The following TMCC1 variants were observed in gnomAD, a reference collection of about 807,000 sequenced individuals.
TMCC1 encodes the protein transmembrane and coiled-coil domain family 1.
In TMCC1, 15 loss-of-function variants were observed where a neutral mutation model predicts 52.4. The ratio of observed to expected loss-of-function variants is 0.29; its 90% CI spans 0.19 to 0.44. The LOEUF (loss-of-function observed/expected upper bound fraction) is 0.44. Ranked by LOEUF, TMCC1 falls within the 20% of genes least tolerant of loss-of-function variation. The pLI is 1.00. For missense variants in TMCC1, 503 were observed against 806.0 expected, an observed-to-expected ratio of 0.62 and a Z score of 4.55; for synonymous variants, 279 against 301.9, an observed-to-expected ratio of 0.92 and a Z score of 0.79.
rs34448794 is a variant in TMCC1, at chr3:129,839,315, T to C, written c.-183-6489A>G. On this transcript the variant is annotated intron_variant, in intron 2 of 6. Transcript: ENST00000393238. Reference sequence around the variant, plus strand: ...ACACTATAACCATACTTTAACTAAATGCGAAGTGGCAAAACACCTGAAAAA... The same window carrying C: ...ACACTATAACCATACTTTAACTAAACGCGAAGTGGCAAAACACCTGAAAAA... Among the ~76,000 whole-genome samples, 29 of 152,168 alleles carry C rather than the reference T, an allele frequency of 1.9e-4. 2 individuals carry two copies. Among genetic ancestry groups the C allele is most frequent in the Admixed American group, 7.9e-4 (12 of 15,278 alleles).
intron 4 of TMCC1, among the ~76,000 whole-genome samples, chr3:129,746,414 C>T (rs772119616): frequency 4.7e-5 from 7 of 147,864 alleles, no homozygotes; most frequent in African/African-American, 1.0e-4. Flanking sequence ...CTCTTGACCT[C>T]GTGATCCGCC....
chr3:129,730,675 T>C (rs1254840168), intron 4 of TMCC1, among the ~76,000 whole-genome samples: 2 of 152,228 alleles, frequency 1.3e-5, no homozygotes, highest in East Asian at 1.9e-4. Context: ...AATAAGCTTG[T>C]CTATCTCTAC....
intron 2 of TMCC1, among the ~76,000 whole-genome samples, chr3:129,876,986 T>A (rs973629497): frequency 6.6e-6 from 1 of 152,004 alleles, no homozygotes; most frequent in Admixed American, 6.6e-5. Context: ...ACCCTGAAGA[T>A]CTCCTCAAAG....
At chr3:129,695,951 G>A (rs1314308538) in intron 4 of TMCC1, among the ~76,000 whole-genome samples, 5 of 152,038 alleles carry the variant, frequency 3.3e-5, no homozygotes, top group East Asian at 1.9e-4. Context: ...CTGGCATAAC[G>A]TTATGTGACA....
At chr3:129,819,341 C>G (rs1411326979) in intron 4 of TMCC1, among the ~76,000 whole-genome samples, 1 of 152,042 alleles carries the variant, frequency 6.6e-6, no homozygotes, top group Non-Finnish European at 1.5e-5. Flanking sequence ...CCTCGGCCTC[C>G]CAAAGTGCTG....
chr3:129,792,228 G>A (rs759986123), intron 4 of TMCC1, among the ~76,000 whole-genome samples: 3 of 150,020 alleles, frequency 2.0e-5, no homozygotes, highest in Non-Finnish European at 4.4e-5. Flanking sequence ...ATGAAAAAAC[G>A]ATTTCATTTT....
chr3:129,724,990 T>C (rs569543730), intron 4 of TMCC1, among the ~76,000 whole-genome samples: 2 of 152,364 alleles, frequency 1.3e-5, no homozygotes, highest in East Asian at 1.9e-4. Context: ...TTTATACATA[T>C]AGCTTACTAA....
intron 4 of TMCC1, among the ~76,000 whole-genome samples, chr3:129,793,604 C>A (rs2056618854): frequency 6.6e-6 from 1 of 152,178 alleles, no homozygotes; most frequent in Non-Finnish European, 1.5e-5. Context: ...TTAGTTTCTG[C>A]ACTAAATGAC....
At chr3:129,707,826 G>A (rs144493444) in intron 4 of TMCC1, among the ~76,000 whole-genome samples, 2,356 of 152,064 alleles carry the variant, frequency 0.015, 47 homozygotes, top group African/African-American at 0.055. Context: ...CAGCTACTCG[G>A]GAGGCTGAGG....
chr3:129,874,846 C>G (rs1248786064), intron 2 of TMCC1, among the ~76,000 whole-genome samples: 1 of 151,860 alleles, frequency 6.6e-6, no homozygotes, highest in East Asian at 1.9e-4. Flanking sequence ...AGAGCAAGAC[C>G]CTATCTCTAA....
chr3:129,892,166 AT>A, intron 1 of TMCC1, among the ~76,000 whole-genome samples: 1 of 152,382 alleles, frequency 6.6e-6, no homozygotes, highest in South Asian at 2.1e-4. Flanking sequence ...ATGCTAATGA[AT>A]TTTTAACGTC....
intron 4 of TMCC1, among the ~76,000 whole-genome samples, chr3:129,721,889 C>CA (rs1158160105): frequency 6.6e-6 from 1 of 151,086 alleles, no homozygotes; most frequent in Admixed American, 6.6e-5. Context: ...AACAAACAAA[C>CA]AAAAAACACA....
chr3:129,648,700 T>TTA lies in TMCC1; in HGVS notation c.*2780_*2781insTA, dbSNP rs397754891. ...ATACAGTTTTCTTTTCTTTTTTTTTTAGAGGAGCATTCAAATGAGGGGACG... is the reference window on the plus strand; with the variant it reads ...ATACAGTTTTCTTTTCTTTTTTTTTTTAAGAGGAGCATTCAAATGAGGGGACG... On this transcript the variant is annotated 3_prime_UTR_variant, in exon 7 of 7. Transcript: ENST00000393238. 6.6e-6 allele frequency: 1 copy of TTA among 150,972 alleles called. No individual in the cohort carries two copies. Among genetic ancestry groups the TTA allele is most frequent in the Non-Finnish European group, 1.5e-5 (1 of 67,592 alleles). The allele number at this position is 150,972 out of a possible 1,614,324, so 9.4% of individuals were successfully genotyped here. A position where few individuals can be genotyped will look rare whatever the true frequency, so the allele number is the denominator to read the frequency against.
At chr3:129,733,602 T>C (rs1224079574) in intron 4 of TMCC1, among the ~76,000 whole-genome samples, 1 of 152,164 alleles carries the variant, frequency 6.6e-6, no homozygotes, top group Admixed American at 6.5e-5. Flanking sequence ...AGGAAAAATT[T>C]GGAAAGTGGA....
chr3:129,803,757 T>C (rs1222649316), intron 4 of TMCC1, among the ~76,000 whole-genome samples: 2 of 152,132 alleles, frequency 1.3e-5, no homozygotes, highest in Non-Finnish European at 2.9e-5. Flanking sequence ...ATCTACTCTT[T>C]TGATTTCTTT....
chr3:129,700,929 C>T (rs2047778640), intron 4 of TMCC1, among the ~76,000 whole-genome samples: 1 of 152,212 alleles, frequency 6.6e-6, no homozygotes, highest in African/African-American at 2.4e-5. Flanking sequence ...ATACTAGTTC[C>T]AGAGGCTTTC....
At chr3:129,719,907 G>C (rs1042079889) in intron 4 of TMCC1, among the ~76,000 whole-genome samples, 6 of 151,942 alleles carry the variant, frequency 3.9e-5, no homozygotes, top group Admixed American at 3.9e-4. Flanking sequence ...GGCCAGGCAC[G>C]GTGTCTCATG....
intron 4 of TMCC1, among the ~76,000 whole-genome samples, chr3:129,772,178 G>C (rs1178055062): frequency 6.6e-6 from 1 of 152,022 alleles, no homozygotes; most frequent in Non-Finnish European, 1.5e-5. Flanking sequence ...GGGCAACATA[G>C]AGACCTCTTC....
intron 4 of TMCC1, among the ~76,000 whole-genome samples, chr3:129,706,575 C>T (rs916635866): frequency 1.3e-5 from 2 of 152,100 alleles, no homozygotes; most frequent in Admixed American, 1.3e-4. Context: ...AGAGAAGAAA[C>T]CCTGTACTGA....
Sources: allele counts gnomAD v4.1 joint callset (sites outside exome capture counted in the v4.1 genomes callset), GRCh38; gene constraint gnomAD v4.1.1; transcripts MANE v1.5; gene names NCBI Gene and HGNC (gene_info 2026-07-23, HGNC 2026-07-21).